ERMP1: variants seen among roughly 807,000 people sequenced by gnomAD.
ERMP1 encodes Felix-ina.
A neutral mutation model predicts 92.0 loss-of-function variants in ERMP1; 86 were observed. The ratio of observed to expected loss-of-function variants is 0.93; its 90% CI spans 0.79 to 1.12. ERMP1 has a LOEUF of 1.12. Among genes scored for constraint, ERMP1 ranks in the 50% most tolerant of loss-of-function variants. The pLI is 0.00. For synonymous variants in ERMP1, 530 were observed against 412.8 expected (o/e 1.28, Z -3.44); for missense variants, 1,342 against 1,116.3 (o/e 1.20, Z -2.88).
In ERMP1 at chr9:5,786,997, G is replaced by A. The variant is rs1827966245; in HGVS notation, c.*147C>T. 1 of 750,868 alleles carries A rather than the reference G, an allele frequency of 1.3e-6. No homozygotes were observed. The highest frequency in any genetic ancestry group is 3.0e-5 in the Admixed American group (1 of 32,820). The allele number at this position is 750,868 out of a possible 1,614,324, so 46.5% of individuals were successfully genotyped here. On this transcript the variant is annotated 3_prime_UTR_variant, in exon 15 of 15. Coordinates refer to ENST00000339450, the MANE Select transcript of ERMP1 (RefSeq NM_024896.3). ...CACAGCTAAACCCTTATAGTGCTTGGCCCTGAAAAGCGTTAACCCAGAAAG... is the reference window on the plus strand; with the variant it reads ...CACAGCTAAACCCTTATAGTGCTTGACCCTGAAAAGCGTTAACCCAGAAAG...
chr9:5,855,539 C>G (rs1390151703), intron 6 of ERMP1, among the ~76,000 whole-genome samples: 1 of 152,240 alleles, frequency 6.6e-6, no homozygotes, highest in East Asian at 1.9e-4. Flanking sequence ...AGACTGTATG[C>G]TGTTTGAAAT....
At chr9:5,803,075 T>C (rs758277315) in intron 10 of ERMP1, among the ~76,000 whole-genome samples, 3 of 152,122 alleles carry the variant, frequency 2.0e-5, no homozygotes, top group Admixed American at 6.5e-5. Flanking sequence ...CCGTGATTGC[T>C]TGACAAGACT....
intron 13 of ERMP1, among the ~76,000 whole-genome samples, chr9:5,790,048 A>T (rs747750458): frequency 1.3e-5 from 2 of 152,212 alleles, no homozygotes; most frequent in Non-Finnish European, 2.9e-5. Context: ...TGAAGTTATA[A>T]GACAAATATA....
In ERMP1 at chr9:5,812,141, A is replaced by G. The variant is rs1415534824; in HGVS notation, c.1098T>C (p.Asp366=). 1 of 1,605,412 alleles carries G rather than the reference A, an allele frequency of 6.2e-7. No individual in the cohort carries two copies. Among genetic ancestry groups the G allele is most frequent in the Non-Finnish European group, 8.5e-7 (1 of 1,175,266 alleles). Residue 366 remains aspartate, a synonymous_variant, in exon 6 of 15, where the codon GAT becomes GAC. Coordinates refer to ENST00000339450, the MANE Select transcript of ERMP1 (RefSeq NM_024896.3). ...KYDTADRILT[D]SIQRAGDNIL... is the part of the protein sequence containing the mutation. ...AATACCAACCTGCTCTCTGAATGGAATCTGTTAGAATTCTGTCCGCTGTGT... is the reference window on the plus strand; with the variant it reads ...AATACCAACCTGCTCTCTGAATGGAGTCTGTTAGAATTCTGTCCGCTGTGT...
At chr9:5,862,281 C>G (rs772035553) in intron 5 of ERMP1, among the ~76,000 whole-genome samples, 1 of 152,088 alleles carries the variant, frequency 6.6e-6, no homozygotes, top group Non-Finnish European at 1.5e-5. Flanking sequence ...ATCCTCCTGC[C>G]TCAGCCTCTC....
intron 6 of ERMP1, among the ~76,000 whole-genome samples, chr9:5,839,292 C>T (rs1264561583): frequency 6.6e-6 from 1 of 152,180 alleles, no homozygotes; most frequent in African/African-American, 2.4e-5. Flanking sequence ...GGTGCATATA[C>T]TTTTTAATGG....
At position 5,842,451 on chromosome 9, in the gene ERMP1, G is replaced by GA. The variant is rs1461165155; in HGVS notation, n.3200-9140dup. Among the ~76,000 whole-genome samples the GA allele has an allele frequency of 2.7e-3, 260 of 95,902 alleles. 3 individuals are homozygous for GA. Among genetic ancestry groups the GA allele is most frequent in the East Asian group, 0.015 (27 of 1,804 alleles). 62.9% of individuals were successfully genotyped at this position (95,902 alleles called of 152,430 possible). ...GACTGTCTCAAAAAAAAAAAAAAAA[G>GA]AAAGAAAAGAAAAAAGAAAAAAAGA... On this transcript the variant is annotated intron_variant and non_coding_transcript_variant, in intron 6 of 6. Transcript: ENST00000690753.
At chr9:5,817,926 G>A (rs970376599) in intron 4 of ERMP1, among the ~76,000 whole-genome samples, 1 of 152,196 alleles carries the variant, frequency 6.6e-6, no homozygotes. Context: ...CAAGTAACAT[G>A]AGGCCTGAAA....
upstream of ERMP1, among the ~76,000 whole-genome samples, chr9:5,834,703 A>ATATGTGTGTGTGTG (rs1554627430): frequency 1.6e-5 from 2 of 122,906 alleles, no homozygotes; most frequent in East Asian, 2.6e-4. Flanking sequence ...GTATGTATAT[A>ATATGTGTGTGTGTG]TGTGTGTGTG....
intron 2 of ERMP1, 75 bp from the exon 3 acceptor site, chr9:5,825,294 G>C: frequency 7.0e-7 from 1 of 1,425,300 alleles, no homozygotes; most frequent in East Asian, 2.4e-5. Context: ...ACTAGGAATG[G>C]AGCTTTCTCC....
chr9:5,861,843 C>G (rs1225918652), intron 5 of ERMP1, among the ~76,000 whole-genome samples: 2 of 151,138 alleles, frequency 1.3e-5, no homozygotes, highest in Admixed American at 1.3e-4. Flanking sequence ...CCAGGCCACC[C>G]TGGGGAGATG....
At chr9:5,804,012 T>C (rs980034576) in intron 10 of ERMP1, among the ~76,000 whole-genome samples, 1 of 152,152 alleles carries the variant, frequency 6.6e-6, no homozygotes, top group Non-Finnish European at 1.5e-5. Flanking sequence ...GCTGACCATG[T>C]GTGTAGTGTT....
upstream of ERMP1, among the ~76,000 whole-genome samples, chr9:5,833,659 ATC>A (rs1830040743): frequency 1.3e-5 from 2 of 152,218 alleles, no homozygotes; most frequent in Non-Finnish European, 2.9e-5. Context: ...CCTTTAATAC[ATC>A]ATCTTATTTA....
intron 4 of ERMP1, among the ~76,000 whole-genome samples, chr9:5,820,963 G>A (rs1388407557): frequency 2.0e-5 from 3 of 152,168 alleles, no homozygotes; most frequent in Admixed American, 6.5e-5. Context: ...AAAGCTTTCA[G>A]GTATGGAGTT....
intron 8 of ERMP1, 76 bp downstream of exon 8, chr9:5,809,935 C>T: frequency 9.6e-7 from 1 of 1,045,338 alleles, no homozygotes; most frequent in Non-Finnish European, 1.5e-6. Context: ...AGGCCAAATA[C>T]AATGAATCAC....
At chr9:5,816,357 T>A (rs948482645) in intron 4 of ERMP1, among the ~76,000 whole-genome samples, 1 of 152,216 alleles carries the variant, frequency 6.6e-6, no homozygotes, top group African/African-American at 2.4e-5. Flanking sequence ...TTATCTGAGA[T>A]GATCATCCTG....
intron 11 of ERMP1, among the ~76,000 whole-genome samples, chr9:5,799,403 T>C (rs900733271): frequency 2.0e-5 from 3 of 152,162 alleles, no homozygotes; most frequent in Admixed American, 6.5e-5. Context: ...AAAGTGGGAA[T>C]TGCAGCTCAC....
upstream of ERMP1, among the ~76,000 whole-genome samples, chr9:5,834,880 G>T (rs1467593640): frequency 1.3e-5 from 2 of 151,790 alleles, no homozygotes; most frequent in African/African-American, 2.4e-5. Context: ...ATCTCACAGA[G>T]TCCACGTGTA....
upstream of ERMP1, among the ~76,000 whole-genome samples, chr9:5,837,039 A>C (rs1182835169): frequency 1.3e-5 from 2 of 152,144 alleles, no homozygotes; most frequent in Non-Finnish European, 2.9e-5. Flanking sequence ...TGAAGCCACT[A>C]TGTCAGTTTA....
Sources: gnomAD v4.1 joint callset for allele counts (sites outside exome capture counted in the v4.1 genomes callset) on GRCh38, gnomAD v4.1.1 for gene constraint, MANE v1.5 for transcripts, NCBI Gene and HGNC (gene_info 2026-07-23, HGNC 2026-07-21) for gene names.